FAM149B1: variants seen among roughly 807,000 people sequenced by gnomAD.
FAM149B1 encodes the protein primary cilium assembly protein FAM149B1.
Under a neutral mutation model 75.3 loss-of-function variants are expected in FAM149B1, and 56 were observed. The ratio of observed to expected loss-of-function variants is 0.74; its 90% CI spans 0.60 to 0.93. The LOEUF (loss-of-function observed/expected upper bound fraction) is 0.93, where lower values mean the gene tolerates loss of function less well. FAM149B1 is among the 40% of genes least tolerant of loss of function. FAM149B1 has a pLI of 0.00. For synonymous variants in FAM149B1, 259 were observed against 256.1 expected, an observed-to-expected ratio of 1.01 and a Z score of -0.11; for missense variants, 639 against 708.4, an observed-to-expected ratio of 0.90 and a Z score of 1.11.
At chr10:73,192,952 C>T (rs1213817241) in intron 4 of FAM149B1, among the ~76,000 whole-genome samples, 1 of 152,128 alleles carries the variant, frequency 6.6e-6, no homozygotes, top group African/African-American at 2.4e-5. Context: ...GTCTGAGTAT[C>T]TGAGTATCAA....
rs2043742618 is a variant in FAM149B1 at position 73,232,988 on chromosome 10, T to G, written c.1177T>G (p.Ser393Ala). The change falls in exon 10 of 14, where the codon TCA becomes GCA. Residue 393 changes from serine (S) to alanine (A), a missense_variant. Physicochemically the swap from Ser to Ala is moderately conservative, Grantham distance 99. Transcript: ENST00000242505. ...GAGGCCTGGGTCCAGTACCATCCTT[T>G]CAACTCGAAATTGGCCAAATCGAGC... ...LMRPGSSTILSTRNWPNRAVE... is the reference protein window; with the variant it reads ...LMRPGSSTILATRNWPNRAVE... 2 of 1,551,974 alleles carry G rather than the reference T, an allele frequency of 1.3e-6. No homozygotes were observed. Among genetic ancestry groups the G allele is most frequent in the African/African-American group, 2.7e-5 (2 of 73,030 alleles).
At chr10:73,191,794 C>T (rs192053030) in intron 3 of FAM149B1, among the ~76,000 whole-genome samples, 8 of 152,178 alleles carry the variant, frequency 5.3e-5, no homozygotes, top group African/African-American at 1.2e-4. Context: ...TATCTTTGAA[C>T]GGTGGAATTA....
chr10:73,205,648 G>T (rs1006462125), intron 5 of FAM149B1, among the ~76,000 whole-genome samples: 3 of 152,078 alleles, frequency 2.0e-5, no homozygotes, highest in Non-Finnish European at 4.4e-5. Context: ...CCGCCTCCCG[G>T]ATTCAAGCAA....
chr10:73,231,057 G>GT (rs1391685976), intron 9 of FAM149B1: 5 of 153,104 alleles, frequency 3.3e-5, no homozygotes, highest in Non-Finnish European at 7.3e-5. Context: ...ATAGACCATG[G>GT]TGTGATTAGC....
chr10:73,212,482 A>G (rs983909286), intron 7 of FAM149B1, among the ~76,000 whole-genome samples: 5 of 152,070 alleles, frequency 3.3e-5, no homozygotes, highest in East Asian at 3.9e-4. Context: ...GGGTTTTGCC[A>G]TGTTGTTGGT....
chr10:73,226,519 G>C (rs939730420), intron 7 of FAM149B1, among the ~76,000 whole-genome samples: 2 of 152,006 alleles, frequency 1.3e-5, no homozygotes, highest in Admixed American at 6.6e-5. Flanking sequence ...AAAAGATACA[G>C]ACTTTGTTGC....
intron 5 of FAM149B1, chr10:73,200,553 T>G: frequency 1.3e-6 from 1 of 747,284 alleles, no homozygotes; most frequent in Non-Finnish European, 2.2e-6. Flanking sequence ...ATGTTTGTTT[T>G]GGATGAAGCA....
chr10:73,189,125 G>A (rs577575833), intron 3 of FAM149B1, among the ~76,000 whole-genome samples: 7 of 152,196 alleles, frequency 4.6e-5, no homozygotes, highest in South Asian at 4.2e-4. Flanking sequence ...AAATGGCCAC[G>A]TAGCATGTAG....
At chr10:73,183,558 A>G (rs183600408) in intron 3 of FAM149B1, 1 of 152,328 alleles carries the variant, frequency 6.6e-6, no homozygotes, top group East Asian at 1.9e-4. Context: ...TAAGGTCAGC[A>G]GAGTCTTGAT....
At chr10:73,185,420 G>A (rs1240478367) in intron 3 of FAM149B1, among the ~76,000 whole-genome samples, 1 of 152,048 alleles carries the variant, frequency 6.6e-6, no homozygotes, top group East Asian at 1.9e-4. Context: ...ATGGTGGCAC[G>A]TGCCTTTAGT....
intron 7 of FAM149B1, among the ~76,000 whole-genome samples, chr10:73,215,488 C>T (rs2043278770): frequency 6.6e-6 from 1 of 152,106 alleles, no homozygotes; most frequent in African/African-American, 2.4e-5. Flanking sequence ...TGCCAAAGTG[C>T]CAGGATTACA....
intron 3 of FAM149B1, among the ~76,000 whole-genome samples, chr10:73,178,347 C>T (rs528753768): frequency 2.6e-4 from 40 of 152,096 alleles, no homozygotes; most frequent in East Asian, 9.7e-4. Flanking sequence ...CAAAATTAGC[C>T]GGGTGTGGTG....
intron 5 of FAM149B1, among the ~76,000 whole-genome samples, chr10:73,202,506 C>T (rs990832803): frequency 2.6e-5 from 4 of 151,466 alleles, no homozygotes; most frequent in African/African-American, 4.9e-5. Flanking sequence ...GATCTCTGCT[C>T]ACTGCAACCT....
chr10:73,218,127 A>G (rs753764604), intron 7 of FAM149B1, among the ~76,000 whole-genome samples: 2 of 152,210 alleles, frequency 1.3e-5, no homozygotes, highest in Non-Finnish European at 2.9e-5. Context: ...ATAGTTATAG[A>G]TAGCACAGTT....
chr10:73,189,311 C>G (rs904992716), intron 3 of FAM149B1, among the ~76,000 whole-genome samples: 4 of 152,152 alleles, frequency 2.6e-5, no homozygotes, highest in Non-Finnish European at 5.9e-5. Flanking sequence ...CTAAATTGTA[C>G]ATCCATCCTA....
intron 13 of FAM149B1, among the ~76,000 whole-genome samples, chr10:73,240,432 G>A (rs764003271): frequency 1.1e-4 from 17 of 152,284 alleles, no homozygotes; most frequent in Non-Finnish European, 2.1e-4. Flanking sequence ...GGTATAACTG[G>A]CTGGGCGTGG....
intron 3 of FAM149B1, among the ~76,000 whole-genome samples, chr10:73,187,461 G>C (rs1170181173): frequency 6.6e-6 from 1 of 151,816 alleles, no homozygotes. Flanking sequence ...CAGGCGAGGT[G>C]GCTCACGCCT....
intron 12 of FAM149B1, among the ~76,000 whole-genome samples, chr10:73,236,754 A>T (rs1589196846): frequency 1.5e-5 from 2 of 129,220 alleles, no homozygotes; most frequent in African/African-American, 6.0e-5. Context: ...ACAGGGTCTC[A>T]CTCTGTTGCC....
chr10:73,236,163 T>TC (rs2043816074), intron 12 of FAM149B1, among the ~76,000 whole-genome samples: 1 of 152,188 alleles, frequency 6.6e-6, no homozygotes, highest in Admixed American at 6.5e-5. Context: ...GTGGTAAGGA[T>TC]AATCAATATC....
Sources: gnomAD v4.1 joint callset for allele counts (sites outside exome capture counted in the v4.1 genomes callset) on GRCh38, gnomAD v4.1.1 for gene constraint, MANE v1.5 for transcripts, NCBI Gene and HGNC (gene_info 2026-07-23, HGNC 2026-07-21) for gene names.